ADAMTS12: variants seen among roughly 807,000 people sequenced by gnomAD.
ADAMTS12 encodes the protein ADAM metallopeptidase with thrombospondin type 1 motif 12.
ADAMTS12 carries 118 observed loss-of-function variants against 167.8 expected under a neutral mutation model. The observed-to-expected ratio is 0.70, with a 90% confidence interval of 0.61 to 0.82. The LOEUF (loss-of-function observed/expected upper bound fraction) is 0.82, where lower values mean the gene tolerates loss of function less well. Among genes scored for constraint, ADAMTS12 ranks in the 40% least tolerant of loss-of-function variants. The pLI is 0.00. For synonymous variants in ADAMTS12, 704 were observed against 716.9 expected, an observed-to-expected ratio of 0.98 and a Z score of 0.29; for missense variants, 1,916 against 1,998.8, an observed-to-expected ratio of 0.96 and a Z score of 0.79.
chr5:33,780,178 T>C (rs1390609852), intron 2 of ADAMTS12, among the ~76,000 whole-genome samples: 2 of 152,086 alleles, frequency 1.3e-5, no homozygotes, highest in Non-Finnish European at 2.9e-5. Context: ...AGATAGAAAA[T>C]TAATCCATGA....
At chr5:33,587,820 C>T (rs1476832873) in intron 18 of ADAMTS12, among the ~76,000 whole-genome samples, 1 of 151,778 alleles carries the variant, frequency 6.6e-6, no homozygotes, top group African/African-American at 2.4e-5. Flanking sequence ...TAAACTCTGG[C>T]CTGTTAATTT....
chr5:33,597,240 G>A (rs1737939242), intron 16 of ADAMTS12, among the ~76,000 whole-genome samples: 1 of 152,188 alleles, frequency 6.6e-6, no homozygotes. Flanking sequence ...TGAAGTGAAG[G>A]GGCAGTGAAG....
chr5:33,653,514 T>A (rs1195790195), intron 7 of ADAMTS12, among the ~76,000 whole-genome samples: 2 of 152,154 alleles, frequency 1.3e-5, no homozygotes. Context: ...AGTGCCAGGG[T>A]AATACTAGCT....
chr5:33,672,654 G>A (rs1199110607), intron 5 of ADAMTS12, among the ~76,000 whole-genome samples: 1 of 152,108 alleles, frequency 6.6e-6, no homozygotes, highest in Non-Finnish European at 1.5e-5. Context: ...TCCAATCTAC[G>A]TGTGTCTGTT....
chr5:33,745,740 A>T (rs1392395767), intron 3 of ADAMTS12, among the ~76,000 whole-genome samples: 1 of 152,170 alleles, frequency 6.6e-6, no homozygotes. Flanking sequence ...TTAATGAAAA[A>T]AGGCTTTAAA....
At chr5:33,850,153 CTG>C (rs1230037209) in intron 2 of ADAMTS12, among the ~76,000 whole-genome samples, 7 of 152,182 alleles carry the variant, frequency 4.6e-5, no homozygotes, top group Non-Finnish European at 7.3e-5. Context: ...CACCACCAGA[CTG>C]TGACCCACCC....
At chr5:33,877,269 C>G (rs1241984325) in intron 2 of ADAMTS12, among the ~76,000 whole-genome samples, 1 of 152,154 alleles carries the variant, frequency 6.6e-6, no homozygotes, top group Non-Finnish European at 1.5e-5. Flanking sequence ...TTTAATGACC[C>G]AGGTACACAG....
At chr5:33,818,800 TCATA>T (rs1747762468) in intron 2 of ADAMTS12, among the ~76,000 whole-genome samples, 1 of 152,164 alleles carries the variant, frequency 6.6e-6, no homozygotes, top group African/African-American at 2.4e-5. Context: ...AGGTGATATC[TCATA>T]GTGATTTTAA....
chr5:33,590,569 C>T lies in ADAMTS12; in HGVS notation c.2655-1760G>A, dbSNP rs139684773. On this transcript the variant is annotated intron_variant, in intron 17 of 23. Transcript: ENST00000504830. ...TATGAGGATGCAGCAAGAAGACCCC[C>T]GCCAGATCAAATGAACCTCCAATCT... 3.0e-3 allele frequency among the ~76,000 whole-genome samples: 462 copies of T among 152,298 alleles called. 2 individuals carry two copies. The highest frequency in any genetic ancestry group is 0.012 in the South Asian group (58 of 4,832).
chr5:33,556,479 GAAC>G (rs1335560324), intron 20 of ADAMTS12, among the ~76,000 whole-genome samples: 1 of 152,200 alleles, frequency 6.6e-6, no homozygotes, highest in Non-Finnish European at 1.5e-5. Flanking sequence ...ATGTTGTAAG[GAAC>G]ATGGCTGTGC....
intron 3 of ADAMTS12, among the ~76,000 whole-genome samples, chr5:33,697,000 T>C (rs1027472702): frequency 1.1e-4 from 16 of 152,226 alleles, no homozygotes; most frequent in African/African-American, 3.9e-4. Context: ...TAATTCCTTG[T>C]TAGCCCAAGA....
chr5:33,849,501 T>C (rs1278827409), intron 2 of ADAMTS12, among the ~76,000 whole-genome samples: 2 of 144,878 alleles, frequency 1.4e-5, no homozygotes, highest in African/African-American at 2.6e-5. Flanking sequence ...TATATATGTA[T>C]TGCATAGCAA....
intron 22 of ADAMTS12, among the ~76,000 whole-genome samples, chr5:33,535,396 T>A (rs1480874406): frequency 6.6e-6 from 1 of 152,168 alleles, no homozygotes; most frequent in Non-Finnish European, 1.5e-5. Flanking sequence ...ATCAGTCACT[T>A]CCTTGGGAAT....
At chr5:33,712,519 C>A (rs1743439714) in intron 3 of ADAMTS12, among the ~76,000 whole-genome samples, 1 of 152,056 alleles carries the variant, frequency 6.6e-6, no homozygotes, top group East Asian at 1.9e-4. Flanking sequence ...GATACGTTGG[C>A]AACACTAAGC....
intron 3 of ADAMTS12, among the ~76,000 whole-genome samples, chr5:33,731,249 G>A (rs1744184878): frequency 6.8e-6 from 1 of 146,686 alleles, no homozygotes; most frequent in Admixed American, 6.8e-5. Flanking sequence ...CTAGTGGTGT[G>A]ATCTCGGCTC....
At chr5:33,779,901 T>C (rs374971980) in intron 2 of ADAMTS12, among the ~76,000 whole-genome samples, 53 of 152,302 alleles carry the variant, frequency 3.5e-4, no homozygotes, top group African/African-American at 1.2e-3. Context: ...AATGTGACTA[T>C]AGTTAATAAT....
intron 2 of ADAMTS12, among the ~76,000 whole-genome samples, chr5:33,818,286 C>T (rs953005719): frequency 6.6e-6 from 1 of 152,054 alleles, no homozygotes. Flanking sequence ...CCCCCATCCC[C>T]CTGATGACCA....
intron 3 of ADAMTS12, among the ~76,000 whole-genome samples, chr5:33,722,152 C>T (rs910252729): frequency 6.6e-6 from 1 of 152,178 alleles, no homozygotes; most frequent in Admixed American, 6.5e-5. Context: ...CCATCCAACT[C>T]AGATCATACA....
rs780776532 is a variant in ADAMTS12, at chr5:33,751,519, G to T, written c.519C>A (p.Asp173Glu). Residue 173 changes from aspartate to glutamate, a missense_variant, in exon 3 of 24, where the codon GAC becomes GAA. By Grantham distance (45) the Asp-to-Glu change is conservative. Transcript: ENST00000504830. ...LTGFFQLPHGDFFIEPVKKHP... is the reference protein window; with the variant it reads ...LTGFFQLPHGEFFIEPVKKHP... The stretch of plus-strand genomic sequence containing the variant: ...GCTTCTTCACGGGTTCAATGAAAAA[G>T]TCTCCATGTGGTAGTTGGAAAAATC... 2 of 1,614,068 alleles carry T rather than the reference G, an allele frequency of 1.2e-6. No individual in the cohort carries two copies. Among genetic ancestry groups the T allele is most frequent in the Admixed American group, 1.7e-5 (1 of 60,014 alleles).
Sources: allele counts gnomAD v4.1 joint callset (sites outside exome capture counted in the v4.1 genomes callset), GRCh38; gene constraint gnomAD v4.1.1; transcripts MANE v1.5; gene names NCBI Gene and HGNC (gene_info 2026-07-23, HGNC 2026-07-21).